Variants in PASD1 observed in about 807,000 individuals in gnomAD.
The protein encoded by PASD1 is PAS domain containing repressor 1.
A neutral mutation model predicts 58.8 loss-of-function variants in PASD1; 13 were observed. The observed-to-expected ratio is 0.22, with a 90% CI of 0.14 to 0.35. The LOEUF (loss-of-function observed/expected upper bound fraction) is 0.35, where lower values mean the gene tolerates loss of function less well. Ranked by LOEUF, PASD1 falls within the 10% of genes least tolerant of loss-of-function variation. PASD1 has a pLI of 1.00. For missense variants in PASD1, 734 were observed against 568.3 expected, an observed-to-expected ratio of 1.29 and a Z score of -2.96; for synonymous variants, 236 against 216.7, an observed-to-expected ratio of 1.09 and a Z score of -0.78.
chrX:151,615,018 AAG>A (rs35723552), intron 4 of PASD1, among the ~76,000 whole-genome samples: 40,909 of 110,120 alleles, frequency 0.37, 5,779 homozygotes, highest in African/African-American at 0.4. Context: ...ATAGAAGGAA[AAG>A]AGTCTTTTAA....
At chrX:151,624,167 A>G (rs1006037658) in intron 7 of PASD1, among the ~76,000 whole-genome samples, 4 of 111,929 alleles carry the variant, frequency 3.6e-5, no homozygotes, top group African/African-American at 1.3e-4. Flanking sequence ...TGGAGATACA[A>G]GTATTCTGAC....
chrX:151,664,641 A>G (rs746385498), intron 11 of PASD1, among the ~76,000 whole-genome samples: 2 of 111,457 alleles, frequency 1.8e-5, no homozygotes, highest in South Asian at 7.7e-4. Flanking sequence ...GAGCCAAATA[A>G]GAAGCTTAGC....
chrX:151,586,089 G>A (rs2013160113), intron 1 of PASD1, among the ~76,000 whole-genome samples: 1 of 111,649 alleles, frequency 9.0e-6, no homozygotes, highest in African/African-American at 3.3e-5. Flanking sequence ...GAAAATGCTA[G>A]GGGACAGGAT....
intron 1 of PASD1, among the ~76,000 whole-genome samples, chrX:151,599,467 A>C (rs1231937148): frequency 8.5e-5 from 9 of 106,329 alleles, no homozygotes; most frequent in African/African-American, 3.2e-4. Context: ...CACCTCCCGG[A>C]CTGGGCGGCT....
intron 1 of PASD1, among the ~76,000 whole-genome samples, chrX:151,570,664 C>T (rs908572066): frequency 3.2e-4 from 36 of 111,708 alleles, no homozygotes; most frequent in African/African-American, 1.2e-3. Context: ...GCTGTGGGAC[C>T]TTTGTCTTGA....
chrX:151,582,700 G>A (rs898769371), intron 1 of PASD1, among the ~76,000 whole-genome samples: 6 of 111,723 alleles, frequency 5.4e-5, no homozygotes, highest in African/African-American at 2.0e-4. Flanking sequence ...CTAGAGGTTT[G>A]AAGTGCACTG....
chrX:151,668,712 A>G (rs181869076), intron 11 of PASD1, among the ~76,000 whole-genome samples: 1,161 of 110,370 alleles, frequency 0.011, 17 homozygotes, highest in African/African-American at 0.037. Context: ...TGAGGCAATA[A>G]TTAATAGCTT....
At position 151,674,020 on chromosome X, in the gene PASD1, C is replaced by T. The variant is rs1185921240; in HGVS notation, c.2009C>T (p.Pro670Leu). Residue 670 changes from proline (P) to leucine (L), a missense_variant, in exon 15 of 16, where the codon CCT becomes CTT. Pro to Leu is a moderately conservative substitution (Grantham distance 98). Transcript: ENST00000370357. ...GAGGCAATTTCTTCTTCCAGCATTC[C>T]TCAGTTTCCCATAACTTCAGACTCA... is the stretch of plus-strand genomic sequence containing the variant. ...NSEAISSSSI[P>L]QFPITSDSTI... 1.7e-6 allele frequency: 2 copies of T among 1,209,855 alleles called. No homozygotes were observed. The highest frequency in any genetic ancestry group is 3.5e-5 in the African/African-American group (2 of 57,206).
chrX:151,657,829 T>G (rs2014264960), intron 9 of PASD1, among the ~76,000 whole-genome samples: 1 of 41,190 alleles, frequency 2.4e-5, no homozygotes, highest in Non-Finnish European at 4.4e-5. Context: ...TTCACTGATT[T>G]TTTTGGAGGG....
At chrX:151,568,020 C>A (rs781557206) in intron 1 of PASD1, among the ~76,000 whole-genome samples, 9 of 112,070 alleles carry the variant, frequency 8.0e-5, no homozygotes, top group African/African-American at 2.6e-4. Context: ...CCACCACGCC[C>A]GAACAATTGT....
At chrX:151,599,976 T>G (rs923948186) in intron 1 of PASD1, among the ~76,000 whole-genome samples, 1 of 111,889 alleles carries the variant, frequency 8.9e-6, no homozygotes, top group Non-Finnish European at 1.9e-5. Context: ...CTGGGCAACA[T>G]TGAGCACTGA....
In PASD1 at chrX:151,672,498, A is replaced by T; in HGVS notation, c.1753A>T (p.Ile585Leu). Reference sequence around the variant, plus strand: ...CATCGTGGGGAATGAGAGGGTGCAGATATGCCTGCAAAACCCACGTGACGT... The same window carrying T: ...CATCGTGGGGAATGAGAGGGTGCAGTTATGCCTGCAAAACCCACGTGACGT... ...NVIVGNERVQ[I>L]CLQNPRDVSV... Residue 585 changes from isoleucine (I) to leucine (L), a missense_variant, in exon 14 of 16, where the codon ATA (isoleucine) becomes TTA (leucine). Ile to Leu is a conservative substitution (Grantham distance 5). Transcript: ENST00000370357. The T allele has an allele frequency of 8.3e-7, 1 of 1,211,750 alleles. No homozygotes were observed. The highest frequency in any genetic ancestry group is 1.1e-6 in the Non-Finnish European group (1 of 895,551).
At chrX:151,622,586 T>TAC (rs202044764) in intron 6 of PASD1, among the ~76,000 whole-genome samples, 22,245 of 96,472 alleles carry the variant, frequency 0.23, 2,377 homozygotes, top group Non-Finnish European at 0.32. Flanking sequence ...GTGCACAGAT[T>TAC]ACACACACAC....
At position 151,625,497 on chromosome X, in the gene PASD1, A is replaced by T. The variant is rs779701628; in HGVS notation, c.596A>T (p.Asp199Val). The T allele has an allele frequency of 1.7e-6, 2 of 1,207,519 alleles. No individual in the cohort carries two copies. Among genetic ancestry groups the T allele is most frequent in the East Asian group, 3.0e-5 (1 of 33,742 alleles). The change falls in exon 8 of 16, where the codon GAT (aspartate) becomes GTT (valine). Residue 199 changes from aspartate to valine, a missense_variant. Transcript: ENST00000370357. ...AGTGATGAAGCTGTACTTACACAAG[A>T]TTCAGATGAGGAACCTTTTGTGGGA... is the stretch of plus-strand genomic sequence containing the variant. ...AVSDEAVLTQ[D>V]SDEEPFVGEL...
In PASD1 at chrX:151,563,792, A is replaced by G. The variant is rs757059529; in HGVS notation, c.-75A>G. 3 of 112,389 alleles carry G rather than the reference A, an allele frequency of 2.7e-5. No individual in the cohort carries two copies. The South Asian group carries it at 1.1e-3, about 43-fold the overall frequency. The allele number at this position is 112,389 out of a possible 1,213,427, so 9.3% of individuals were successfully genotyped here. On this transcript the variant is annotated 5_prime_UTR_variant, in exon 1 of 16. Coordinates refer to ENST00000370357, the MANE Select transcript of PASD1 (RefSeq NM_173493.3). ...CCGGAGACCACAGGGAGGAGCTTCA[A>G]GGTACCCCAAGTCCCTGCGGCCTCC...
rs573904473 is a variant in PASD1 at position 151,609,931 on chromosome X, A to G, written c.118-1733A>G. Among the ~76,000 whole-genome samples the G allele has an allele frequency of 2.3e-4, 26 of 110,838 alleles. No homozygotes were observed. The South Asian group carries it at 3.1e-3, about 13-fold the overall frequency. On this transcript the variant is annotated intron_variant, in intron 3 of 15. Transcript: ENST00000370357. ...GCTTTGTCATTTTATACTACCATCA[A>G]TAGTGCATAGGGGTTTCAATTTCTT...
chrX:151,651,501 C>T (rs2049021417), intron 9 of PASD1, among the ~76,000 whole-genome samples: 1 of 111,773 alleles, frequency 8.9e-6, no homozygotes, highest in African/African-American at 3.3e-5. Flanking sequence ...CAGAAGCAGA[C>T]AACACAGAAA....
intron 3 of PASD1, among the ~76,000 whole-genome samples, chrX:151,610,907 A>G (rs2013547952): frequency 9.8e-6 from 1 of 102,068 alleles, no homozygotes; most frequent in Non-Finnish European, 2.0e-5. Context: ...ACTGGATAAG[A>G]TTTTTCTGTT....
intron 8 of PASD1, among the ~76,000 whole-genome samples, chrX:151,633,183 A>G (rs144865243): frequency 1.1e-3 from 120 of 111,378 alleles, no homozygotes; most frequent in Middle Eastern, 4.6e-3. Flanking sequence ...TACTCTCTCC[A>G]TGAACAACCG....
Sources: gnomAD v4.1 joint callset for allele counts (sites outside exome capture counted in the v4.1 genomes callset) on GRCh38, gnomAD v4.1.1 for gene constraint, MANE v1.5 for transcripts, NCBI Gene and HGNC (gene_info 2026-07-23, HGNC 2026-07-21) for gene names.